Variants in PDE1A observed in about 807,000 individuals in gnomAD.
The protein encoded by PDE1A is phosphodiesterase 1A, also known as dual specificity calcium/calmodulin-dependent 3',5'-cyclic nucleotide phosphodiesterase 1A.
Under a neutral mutation model 61.7 loss-of-function variants are expected in PDE1A, and 35 were observed. The observed-to-expected ratio is 0.57, with a 90% CI of 0.43 to 0.75. PDE1A has a LOEUF of 0.75. Ranked by LOEUF, PDE1A falls within the 30% of genes least tolerant of loss-of-function variation. PDE1A has a pLI of 0.00. For synonymous variants in PDE1A, 232 were observed against 213.2 expected (o/e 1.09, Z -0.77); for missense variants, 597 against 630.6 (o/e 0.95, Z 0.57).
chr2:182,632,762 TA>T, the PDE1A span, among the ~76,000 whole-genome samples: 1 of 152,192 alleles, frequency 6.6e-6, no homozygotes, highest in South Asian at 2.1e-4. Context: ...TTCTTATAAA[TA>T]CACAAGTTTA....
At chr2:182,388,828 C>G (rs142092623) in intron 1 of PDE1A, among the ~76,000 whole-genome samples, 2,417 of 151,576 alleles carry the variant, frequency 0.016, 29 homozygotes, top group Middle Eastern at 0.034. Flanking sequence ...AAATAAAGAC[C>G]AGAAAAAATA....
At chr2:182,535,984 A>T in the PDE1A span, among the ~76,000 whole-genome samples, 1 of 152,224 alleles carries the variant, frequency 6.6e-6, no homozygotes, top group Non-Finnish European at 1.5e-5. Flanking sequence ...CACACTGAAC[A>T]TGCTAAAGTG....
chr2:182,522,414 C>G (rs774879739), intron 1 of PDE1A: 2 of 1,612,054 alleles, frequency 1.2e-6, no homozygotes, highest in Non-Finnish European at 8.5e-7. Context: ...CAGTCAGTTT[C>G]AGCAGCTAGA....
chr2:182,283,903 T>C (rs183148594), intron 1 of PDE1A, among the ~76,000 whole-genome samples: 1 of 152,242 alleles, frequency 6.6e-6, no homozygotes, highest in Non-Finnish European at 1.5e-5. Flanking sequence ...CATCTTTTTT[T>C]ACAGATAGTG....
At chr2:182,641,604 A>T in the PDE1A span, among the ~76,000 whole-genome samples, 1 of 152,248 alleles carries the variant, frequency 6.6e-6, no homozygotes, top group Admixed American at 6.5e-5. Flanking sequence ...CAATGAATTT[A>T]TAATTAACAA....
chr2:182,468,724 A>G (rs13385209), intron 2 of PDE1A, among the ~76,000 whole-genome samples: 40,511 of 151,898 alleles, frequency 0.27, 5,620 homozygotes, highest in Middle Eastern at 0.43. Flanking sequence ...ATCTGTGGCA[A>G]CTATAGCCTC....
At chr2:182,182,093 A>C (rs1280205234) in intron 13 of PDE1A, among the ~76,000 whole-genome samples, 1 of 152,218 alleles carries the variant, frequency 6.6e-6, no homozygotes, top group Non-Finnish European at 1.5e-5. Flanking sequence ...GCATATGCAC[A>C]AAAGTCTCTC....
the PDE1A span, among the ~76,000 whole-genome samples, chr2:182,537,956 T>G: frequency 2.0e-5 from 3 of 152,268 alleles, no homozygotes; most frequent in South Asian, 6.2e-4. Context: ...CTGAAGCTCT[T>G]GAAGGTTTTG....
the PDE1A span, among the ~76,000 whole-genome samples, chr2:182,711,137 T>C: frequency 6.6e-6 from 1 of 152,244 alleles, no homozygotes; most frequent in Admixed American, 6.5e-5. Context: ...TGGAACCCTT[T>C]GAGAATGAGA....
intron 1 of PDE1A, among the ~76,000 whole-genome samples, chr2:182,309,657 G>A (rs1695834050): frequency 6.7e-6 from 1 of 148,830 alleles, no homozygotes; most frequent in Non-Finnish European, 1.5e-5. Context: ...AAAATCACAT[G>A]TGCAATTGTT....
At chr2:182,347,031 C>T (rs833169) in intron 1 of PDE1A, among the ~76,000 whole-genome samples, 173 of 152,122 alleles carry the variant, frequency 1.1e-3, no homozygotes, top group African/African-American at 4.0e-3. Flanking sequence ...TATTTTGAAA[C>T]CAAAGCTGAG....
chr2:182,598,705 C>T, the PDE1A span, among the ~76,000 whole-genome samples: 5 of 152,208 alleles, frequency 3.3e-5, no homozygotes, highest in East Asian at 1.9e-4. Flanking sequence ...AATCCTCACC[C>T]TACCAAAGCC....
chr2:182,658,046 G>GCAA, the PDE1A span, among the ~76,000 whole-genome samples: 4 of 34,040 alleles, frequency 1.2e-4, no homozygotes, highest in African/African-American at 1.7e-4. Context: ...CAGCTTCTCA[G>GCAA]TAAAAAAAAA....
chr2:182,568,454 A>G, the PDE1A span, among the ~76,000 whole-genome samples: 1 of 151,560 alleles, frequency 6.6e-6, no homozygotes, highest in Non-Finnish European at 1.5e-5. Context: ...CAAGGCGGGC[A>G]GATCACTAGG....
At chr2:182,260,699 G>A (rs550837066) in intron 2 of PDE1A, among the ~76,000 whole-genome samples, 1 of 152,256 alleles carries the variant, frequency 6.6e-6, no homozygotes, top group African/African-American at 2.4e-5. Context: ...CCATTTTCAA[G>A]CTAGCCACAT....
At chr2:182,707,276 T>G in the PDE1A span, among the ~76,000 whole-genome samples, 3 of 151,486 alleles carry the variant, frequency 2.0e-5, no homozygotes, top group African/African-American at 7.3e-5. Context: ...AAACCCAACA[T>G]AAGCAGGAAA....
chr2:182,476,569 TAGAC>T (rs1490344351), intron 2 of PDE1A, among the ~76,000 whole-genome samples: 5 of 151,994 alleles, frequency 3.3e-5, no homozygotes, highest in Admixed American at 3.3e-4. Flanking sequence ...TTTTGATTAA[TAGAC>T]AGTACACTGC....
At chr2:182,141,377 T>C (rs1256535372) in exon 15 of PDE1A, 1 of 152,200 alleles carries the variant, frequency 6.6e-6, no homozygotes, top group Non-Finnish European at 1.5e-5. Flanking sequence ...GTAACCATGA[T>C]GTACATATCT....
chr2:182,160,484 C>T (rs751248943), intron 13 of PDE1A, among the ~76,000 whole-genome samples: 1 of 152,168 alleles, frequency 6.6e-6, no homozygotes, highest in East Asian at 1.9e-4. Flanking sequence ...CTCTCTGTCT[C>T]TCTCTTCCTG....
Sources: allele counts gnomAD v4.1 joint callset (sites outside exome capture counted in the v4.1 genomes callset), GRCh38; gene constraint gnomAD v4.1.1; transcripts MANE v1.5; gene names NCBI Gene and HGNC (gene_info 2026-07-23, HGNC 2026-07-21).